The following IQSEC1 variants were observed in gnomAD, a reference collection of about 807,000 sequenced individuals.
The protein encoded by IQSEC1 is IQ motif and SEC7 domain-containing protein 1.
Under a neutral mutation model 91.0 loss-of-function variants are expected in IQSEC1, and 31 were observed. The ratio of observed to expected loss-of-function variants is 0.34; its 90% confidence interval spans 0.26 to 0.46. IQSEC1 has a LOEUF of 0.46. Among genes scored for constraint, IQSEC1 ranks in the 20% least tolerant of loss-of-function variants. IQSEC1 has a pLI of 1.00. For synonymous variants in IQSEC1, 699 were observed against 662.6 expected (o/e 1.05, Z -0.84); for missense variants, 1,388 against 1,575.6 (o/e 0.88, Z 2.02).
At chr3:13,194,481 C>G (rs897604761) in intron 1 of IQSEC1, among the ~76,000 whole-genome samples, 4 of 152,184 alleles carry the variant, frequency 2.6e-5, no homozygotes, top group Non-Finnish European at 5.9e-5. Flanking sequence ...CTGCCCACCG[C>G]TCTGTGATTC....
chr3:12,911,411 T>C (rs983221529), intron 10 of IQSEC1, among the ~76,000 whole-genome samples: 1 of 152,178 alleles, frequency 6.6e-6, no homozygotes. Context: ...GCAAACTGAG[T>C]GTCTGTCCAG....
chr3:13,171,527 T>C (rs577399852), intron 1 of IQSEC1, among the ~76,000 whole-genome samples: 2 of 152,222 alleles, frequency 1.3e-5, no homozygotes, highest in African/African-American at 4.8e-5. Flanking sequence ...CATTTCCCAC[T>C]CCCTTCTCCC....
At chr3:13,173,762 G>T (rs1335811242) in intron 1 of IQSEC1, among the ~76,000 whole-genome samples, 4 of 152,244 alleles carry the variant, frequency 2.6e-5, no homozygotes, top group Non-Finnish European at 5.9e-5. Flanking sequence ...CACACATGGG[G>T]TGGGTCCAGA....
intron 2 of IQSEC1, among the ~76,000 whole-genome samples, chr3:13,095,916 G>A (rs1326667499): frequency 6.6e-6 from 1 of 152,196 alleles, no homozygotes; most frequent in Non-Finnish European, 1.5e-5. Flanking sequence ...TGCATTCACT[G>A]ATTTATTCAC....
chr3:13,242,205 G>A (rs1695032209), intron 1 of IQSEC1, among the ~76,000 whole-genome samples: 1 of 152,212 alleles, frequency 6.6e-6, no homozygotes, highest in African/African-American at 2.4e-5. Context: ...AAGTCAGGAG[G>A]TACTGGGCTC....
chr3:12,904,478 A>AT (rs1186755835), intron 12 of IQSEC1, among the ~76,000 whole-genome samples: 1 of 151,990 alleles, frequency 6.6e-6, no homozygotes, highest in Non-Finnish European at 1.5e-5. Context: ...ACATTTCCTT[A>AT]TTTTTCAGCC....
In IQSEC1 at chr3:12,967,853, A is replaced by G. The variant is rs886401354; in HGVS notation, c.24-25988T>C. On this transcript the variant is annotated intron_variant, in intron 1 of 13. Transcript: ENST00000613206. This position sits in a 1 kb window ranked among gnomAD's most constrained non-coding sequence, Gnocchi z 5.9. ...GAGCGTGTGGGGAAGAGAGCACAGG[A>G]GGCGTGGCCACACGGCGCCGCGGAA... Among the ~76,000 whole-genome samples the G allele has an allele frequency of 5.1e-5, 6 of 116,630 alleles. No homozygotes were observed. The highest frequency in any genetic ancestry group is 8.4e-5 in the Non-Finnish European group (5 of 59,650). The allele number at this position is 116,630 out of a possible 152,430, so 76.5% of individuals were successfully genotyped here. A position where few individuals can be genotyped will look rare whatever the true frequency, so the allele number is the denominator to read the frequency against.
intron 2 of IQSEC1, among the ~76,000 whole-genome samples, chr3:13,139,010 G>A (rs1374276553): frequency 2.0e-5 from 3 of 152,122 alleles, no homozygotes; most frequent in African/African-American, 7.2e-5. Flanking sequence ...AGCCCTCAGT[G>A]TCTGCCTCAC....
At chr3:12,934,469 G>A (rs1697983365) in intron 3 of IQSEC1, among the ~76,000 whole-genome samples, 1 of 152,170 alleles carries the variant, frequency 6.6e-6, no homozygotes, top group African/African-American at 2.4e-5. Flanking sequence ...CACTGGCTTT[G>A]AGGTGGCCAG....
At position 12,983,156 on chromosome 3, in the gene IQSEC1, T is replaced by C. The variant is rs979248866; in HGVS notation, c.24-41291A>G. 6.6e-6 allele frequency among the ~76,000 whole-genome samples: 1 copy of C among 152,220 alleles called. No homozygotes were observed. The highest frequency in any genetic ancestry group is 1.5e-5 in the Non-Finnish European group (1 of 68,030). ...AGGGACTTTATGGCCAGCATTCCGC[T>C]GGCCCCAGCTGCATAATCCAGATCT... On this transcript the variant is annotated intron_variant, in intron 1 of 13. Transcript: ENST00000613206. This position sits in a 1 kb window ranked among gnomAD's most constrained non-coding sequence, Gnocchi z 4.3.
intron 1 of IQSEC1, chr3:13,015,674 C>T (rs73014518): frequency 0.21 from 204,496 of 984,982 alleles, 21,949 homozygotes; most frequent in Non-Finnish European, 0.22. Flanking sequence ...ATCCCCACAG[C>T]AGGTCCTGAC....
chr3:13,045,456 T>C (rs1055488502), intron 1 of IQSEC1, among the ~76,000 whole-genome samples: 2 of 152,116 alleles, frequency 1.3e-5, no homozygotes, highest in African/African-American at 4.8e-5. Flanking sequence ...ACAGCAGAGC[T>C]GAGGGGCTCC....
At chr3:12,960,737 C>T (rs1700191298) in intron 1 of IQSEC1, 1 of 152,268 alleles carries the variant, frequency 6.6e-6, no homozygotes, top group African/African-American at 2.4e-5. Context: ...CCAGTATCAT[C>T]ATTTTCATTC....
chr3:12,900,396 T>C lies in IQSEC1; in HGVS notation c.*587A>G, dbSNP rs1392372777. On this transcript the variant is annotated 3_prime_UTR_variant, in exon 14 of 14. Transcript: ENST00000613206. ...TAAGTGGAGCTCCTTGTAAGGTGGG[T>C]ATTGCTAATGTGGACTGAAACGCCT... The C allele has an allele frequency of 3.0e-6, 3 of 984,468 alleles. No individual in the cohort carries two copies. The highest frequency in any genetic ancestry group is 3.6e-6 in the Non-Finnish European group (3 of 829,776). 61.0% of individuals were successfully genotyped at this position (984,468 alleles called of 1,614,324 possible).
At chr3:13,084,373 T>A (rs562304898) in intron 2 of IQSEC1, among the ~76,000 whole-genome samples, 1 of 152,288 alleles carries the variant, frequency 6.6e-6, no homozygotes, top group Non-Finnish European at 1.5e-5. Flanking sequence ...GTCCGGATGC[T>A]CTTTCTGGCC....
chr3:13,276,870 C>T (rs1695692072), intron 1 of IQSEC1, among the ~76,000 whole-genome samples: 1 of 152,150 alleles, frequency 6.6e-6, no homozygotes, highest in Non-Finnish European at 1.5e-5. Flanking sequence ...TGGCCCGGGT[C>T]TGCCCTGGGT....
At chr3:13,279,398 T>C (rs1695748316) in intron 1 of IQSEC1, among the ~76,000 whole-genome samples, 1 of 152,212 alleles carries the variant, frequency 6.6e-6, no homozygotes, top group Non-Finnish European at 1.5e-5. Flanking sequence ...CCTGTTATCA[T>C]CCTGTTTTTC....
intron 1 of IQSEC1, among the ~76,000 whole-genome samples, chr3:13,040,507 C>T (rs1208689646): frequency 6.6e-6 from 1 of 152,182 alleles, no homozygotes; most frequent in African/African-American, 2.4e-5. Context: ...TCACGGGTTC[C>T]TCCTAGAGCC....
At chr3:13,054,072 C>A (rs1704791420) in intron 1 of IQSEC1, among the ~76,000 whole-genome samples, 1 of 152,190 alleles carries the variant, frequency 6.6e-6, no homozygotes, top group Non-Finnish European at 1.5e-5. Flanking sequence ...CATTCCTCCC[C>A]TCGCCCCATG....
Sources: allele counts gnomAD v4.1 joint callset (sites outside exome capture counted in the v4.1 genomes callset), GRCh38; gene constraint gnomAD v4.1.1; non-coding constraint Gnocchi (gnomAD v3.1); transcripts MANE v1.5; gene names NCBI Gene and HGNC (gene_info 2026-07-23, HGNC 2026-07-21).